Variants in CCT2 observed in about 807,000 individuals in gnomAD.
CCT2 encodes T-complex protein 1 subunit beta.
Under a neutral mutation model 61.8 loss-of-function variants are expected in CCT2, and 18 were observed. The ratio of observed to expected loss-of-function variants is 0.29; its 90% CI spans 0.20 to 0.43. The LOEUF (loss-of-function observed/expected upper bound fraction) is 0.43, where lower values mean the gene tolerates loss of function less well. Among genes scored for constraint, CCT2 ranks in the 20% least tolerant of loss-of-function variants. The probability of loss-of-function intolerance (pLI) is 1.00; values close to 1 mark genes in which losing one functional copy is unlikely to be tolerated. For synonymous variants in CCT2, 248 were observed against 215.9 expected (o/e 1.15, Z -1.30); for missense variants, 556 against 656.9 (o/e 0.85, Z 1.68).
At position 69,586,757 on chromosome 12, in the gene CCT2, C is replaced by T; in HGVS notation, c.83C>T (p.Ser28Phe). 6.3e-7 allele frequency: 1 copy of T among 1,597,510 alleles called. No homozygotes were observed. The highest frequency in any genetic ancestry group is 8.5e-7 in the Non-Finnish European group (1 of 1,173,196). ...EERAETARLT[S>F]FIGAIAIGDL... ...TCTCCTTGGTTTTTACTCCAGACTT[C>T]TTTTATTGGTGCCATCGCCATTGGA... The change falls in exon 3 of 16, where the codon TCT becomes TTT. Residue 28 changes from serine to phenylalanine, a missense_variant. By Grantham distance (155) the Ser-to-Phe change is radical. Around this residue, in one of 3 missense-constraint regions of CCT2, gnomAD observed 308 missense variants for 350.6 expected, o/e 0.88. Coordinates refer to ENST00000299300, the MANE Select transcript of CCT2 (RefSeq NM_006431.3).
intron 10 of CCT2, 151 bp from the exon 11 acceptor site, chr12:69,597,005 A>G: frequency 1.7e-6 from 1 of 575,032 alleles, no homozygotes; most frequent in African/African-American, 1.9e-5. Context: ...GTCGATATGA[A>G]GTATTTAAAA....
chr12:69,586,172 C>G, intron 1 of CCT2, 98 bp from the exon 2 acceptor site: 3 of 1,160,324 alleles, frequency 2.6e-6, no homozygotes, highest in South Asian at 1.3e-5. Flanking sequence ...AATGAGTTTT[C>G]TCTTAGATGT....
At chr12:69,597,943 A>AT (rs748337635) in intron 12 of CCT2, 25 bp from the exon 13 acceptor site, 1 of 1,584,802 alleles carries the variant, frequency 6.3e-7, no homozygotes, top group South Asian at 1.1e-5. Flanking sequence ...GCATTGCAAT[A>AT]TTTTATTGGA....
At chr12:69,592,313 T>TAA (rs201121457) in intron 8 of CCT2, 154 bp downstream of exon 8, 106 of 339,616 alleles carry the variant, frequency 3.1e-4, no homozygotes, top group East Asian at 1.1e-3. Context: ...CTGTCTCTAC[T>TAA]AAAAAAAAAA....
chr12:69,588,816 C>T (rs557693446), intron 6 of CCT2, among the ~76,000 whole-genome samples: 1 of 152,340 alleles, frequency 6.6e-6, no homozygotes, highest in East Asian at 1.9e-4. Flanking sequence ...ATTGTCTTCC[C>T]ATGAAACCAG....
At chr12:69,598,725 ATGT>A (rs1882067095) in intron 14 of CCT2, among the ~76,000 whole-genome samples, 1 of 152,222 alleles carries the variant, frequency 6.6e-6, no homozygotes, top group Non-Finnish European at 1.5e-5. Flanking sequence ...ATAAACTATT[ATGT>A]TGTTTATACA....
At chr12:69,594,668 GC>G in intron 10 of CCT2, among the ~76,000 whole-genome samples, 1 of 152,168 alleles carries the variant, frequency 6.6e-6, no homozygotes, top group East Asian at 1.9e-4. Context: ...ACCAGCCTGG[GC>G]AATATAGTAA....
intron 6 of CCT2, among the ~76,000 whole-genome samples, chr12:69,588,714 A>G (rs1020791765): frequency 1.3e-5 from 2 of 152,202 alleles, no homozygotes; most frequent in Non-Finnish European, 2.9e-5. Flanking sequence ...AAAGGTTTCT[A>G]GAAGTGTAAT....
chr12:69,593,068 T>A lies in CCT2; in HGVS notation c.843T>A (p.Arg281=). The change falls in exon 9 of 16, where the codon CGT becomes CGA. Residue 281 remains arginine (R), a synonymous_variant. Transcript: ENST00000299300. Reference sequence around the variant, plus strand: ...AAAAAATGAAGGAGAAAGTTGAACGTATTCTTAAGCATGGAATAAATTGCT... The same window carrying A: ...AAAAAATGAAGGAGAAAGTTGAACGAATTCTTAAGCATGGAATAAATTGCT... ...EKEKMKEKVE[R]ILKHGINCFI... is the part of the protein sequence containing the mutation. The A allele has an allele frequency of 6.2e-7, 1 of 1,613,600 alleles. No homozygotes were observed. Among genetic ancestry groups the A allele is most frequent in the African/African-American group, 1.3e-5 (1 of 75,044 alleles).
At chr12:69,589,291 TTG>T (rs1881764376) in intron 6 of CCT2, 192 bp from the exon 7 acceptor site, 3 of 517,706 alleles carry the variant, frequency 5.8e-6, no homozygotes, top group African/African-American at 2.1e-5. Flanking sequence ...TCTTTTTTTT[TTG>T]GCATTTTGCC....
At position 69,599,863 on chromosome 12, in the gene CCT2, A is replaced by T; in HGVS notation, c.1436A>T (p.Asp479Val). ...TTAGTAAATTTGTTTTTCTTTGCAG[A>T]TATGAGGGAAGGCACCATTGGAGAT... ...HSEGNTTAGL[D>V]MREGTIGDMA... The change falls in exon 15 of 16, where the codon GAT becomes GTT. Residue 479 changes from aspartate to valine, a missense_variant and splice_region_variant. Physicochemically the swap from Asp to Val is radical, Grantham distance 152 (BLOSUM62 -3). Coordinates refer to ENST00000299300, the MANE Select transcript of CCT2 (RefSeq NM_006431.3). 1.9e-6 allele frequency: 3 copies of T among 1,605,836 alleles called. No homozygotes were observed. The highest frequency in any genetic ancestry group is 2.5e-6 in the Non-Finnish European group (3 of 1,177,004).
chr12:69,593,602 C>T lies in CCT2; in HGVS notation c.971C>T (p.Ala324Val), dbSNP rs1322819155. ...GATTTTGCAGGTGTGGAACGCCTAG[C>T]TCTTGTCACAGGTATGGAAAAAAGG... ...HADFAGVERLALVTGGEIAST... is the reference protein window; with the variant it reads ...HADFAGVERLVLVTGGEIAST... Residue 324 changes from alanine (A) to valine (V), a missense_variant, in exon 10 of 16, where the codon GCT (alanine) becomes GTT (valine). Physicochemically the swap from Ala to Val is moderately conservative, Grantham distance 64. This residue lies in a region of CCT2 where 23 missense variants were observed against 56.6 expected (regional missense o/e 0.41). Coordinates refer to ENST00000299300, the MANE Select transcript of CCT2 (RefSeq NM_006431.3). 8 of 1,601,724 alleles carry T rather than the reference C, an allele frequency of 5.0e-6. No individual in the cohort carries two copies. Among genetic ancestry groups the T allele is most frequent in the Non-Finnish European group, 6.8e-6 (8 of 1,169,164 alleles).
intron 15 of CCT2, 99 bp from the exon 16 acceptor site, chr12:69,601,196 T>C (rs1882137096): frequency 1.0e-6 from 1 of 995,830 alleles, no homozygotes; most frequent in African/African-American, 1.6e-5. Flanking sequence ...TTATAACAGT[T>C]TTAATACAGG....
At chr12:69,589,408 T>C in intron 6 of CCT2, 77 bp from the exon 7 acceptor site, 3 of 964,954 alleles carry the variant, frequency 3.1e-6, no homozygotes, top group Non-Finnish European at 4.9e-6. Context: ...GGTAAAATTA[T>C]CTATTGACAT....
At chr12:69,593,420 TGTG>T (rs746862418) in intron 9 of CCT2, 87 bp from the exon 10 acceptor site, 46 of 831,890 alleles carry the variant, frequency 5.5e-5, no homozygotes, top group African/African-American at 2.1e-4. Flanking sequence ...TTCTTTTACT[TGTG>T]GTAAAAATGT....
Position 69,598,399 on chromosome 12 carries a change from A to G in CCT2, c.1413A>G (p.Glu471=). 6.3e-7 allele frequency: 1 copy of G among 1,598,374 alleles called. No individual in the cohort carries two copies. The highest frequency in any genetic ancestry group is 8.5e-7 in the Non-Finnish European group (1 of 1,172,390). Residue 471 remains glutamate, a synonymous_variant, in exon 14 of 16, where the codon GAA becomes GAG. Coordinates refer to ENST00000299300, the MANE Select transcript of CCT2 (RefSeq NM_006431.3). ...LVAQLRAAHS[E]GNTTAGLDMR... ...CACAGCTCAGGGCTGCTCACAGTGA[A>G]GGCAATACCACTGCTGGATTGGGTA...
chr12:69,596,545 T>C (rs938694771), intron 10 of CCT2, among the ~76,000 whole-genome samples: 7 of 152,208 alleles, frequency 4.6e-5, no homozygotes, highest in Non-Finnish European at 7.3e-5. Flanking sequence ...TTTGTTCTTA[T>C]TAAATTTGGT....
intron 1 of CCT2, 105 bp from the exon 2 acceptor site, chr12:69,586,165 G>T: frequency 3.5e-6 from 4 of 1,146,140 alleles, no homozygotes; most frequent in African/African-American, 1.6e-5. Flanking sequence ...TGTTGTAAAT[G>T]AGTTTTCTCT....
chr12:69,585,903 G>A, intron 1 of CCT2: 1 of 1,273,742 alleles, frequency 7.9e-7, no homozygotes, highest in Non-Finnish European at 9.9e-7. Flanking sequence ...CCTTCCGAGG[G>A]TGGAAGATGG....
Sources: allele counts gnomAD v4.1 joint callset (sites outside exome capture counted in the v4.1 genomes callset), GRCh38; gene constraint gnomAD v4.1.1; regional missense constraint gnomAD v4.1.1; transcripts MANE v1.5; gene names NCBI Gene and HGNC (gene_info 2026-07-23, HGNC 2026-07-21).